The following PICALM variants were observed in gnomAD, a reference collection of about 807,000 sequenced individuals.
PICALM encodes the protein phosphatidylinositol-binding clathrin assembly protein.
Under a neutral mutation model 80.5 loss-of-function variants are expected in PICALM, and 40 were observed. The observed-to-expected ratio is 0.50, with a 90% confidence interval of 0.39 to 0.65. The LOEUF (loss-of-function observed/expected upper bound fraction) is 0.65. Among genes scored for constraint, PICALM ranks in the 30% least tolerant of loss-of-function variants. The pLI, the probability that PICALM is intolerant of heterozygous loss-of-function variation, is 0.00. For missense variants in PICALM, 676 were observed against 778.9 expected, an observed-to-expected ratio of 0.87 and a Z score of 1.57; for synonymous variants, 288 against 260.3, an observed-to-expected ratio of 1.11 and a Z score of -1.02.
Position 85,990,008 on chromosome 11 carries a change from CAAAAAAAAA to C in PICALM, c.1408+233_1408+241del, listed in dbSNP as rs5793177. Reference sequence around the variant, plus strand: ...TATAACACGACAGAGAACCAAACACCAAAAAAAAAAAAAAAAAAAAAGTTCAACATCAAG... The same window carrying C: ...TATAACACGACAGAGAACCAAACACCAAAAAAAAAAAAGTTCAACATCAAG... On this transcript the variant is annotated intron_variant, in intron 13 of 19. Transcript: ENST00000393346. Among the ~76,000 whole-genome samples the C allele has an allele frequency of 1.9e-4, 17 of 89,332 alleles. No homozygotes were observed. The South Asian group carries it at 2.2e-3, about 11-fold the overall frequency. 58.6% of individuals were successfully genotyped at this position (89,332 alleles called of 152,430 possible). A position where few individuals can be genotyped will look rare whatever the true frequency, so the allele number is the denominator to read the frequency against.
chr11:86,036,945 C>CA (rs57778395), intron 1 of PICALM, among the ~76,000 whole-genome samples: 11 of 125,924 alleles, frequency 8.7e-5, no homozygotes, highest in Admixed American at 5.7e-4. Context: ...CAACAACAAC[C>CA]AAAAAAAAAA....
chr11:85,996,778 G>C, intron 12 of PICALM, 48 bp downstream of exon 12: 1 of 1,034,646 alleles, frequency 9.7e-7, no homozygotes, highest in Non-Finnish European at 1.5e-6. Context: ...CACAGAATGA[G>C]GAGGAGAGAT....
intron 3 of PICALM, among the ~76,000 whole-genome samples, chr11:86,024,294 T>C (rs2095614296): frequency 6.6e-6 from 1 of 151,958 alleles, no homozygotes. Flanking sequence ...ACATATAGAT[T>C]ACTGGTCTTC....
At chr11:85,976,028 C>T (rs75104587) in intron 18 of PICALM, among the ~76,000 whole-genome samples, 4 of 152,280 alleles carry the variant, frequency 2.6e-5, no homozygotes, top group East Asian at 3.9e-4. Flanking sequence ...CCAAGGGACA[C>T]GGTACTGCCT....
intron 4 of PICALM, among the ~76,000 whole-genome samples, chr11:86,021,758 C>T (rs1297297885): frequency 1.3e-5 from 2 of 152,110 alleles, no homozygotes; most frequent in Non-Finnish European, 2.9e-5. Flanking sequence ...TCCTAATAGG[C>T]AAAAGTAGAA....
chr11:85,992,609 T>C (rs2094819399), intron 12 of PICALM, among the ~76,000 whole-genome samples: 1 of 152,150 alleles, frequency 6.6e-6, no homozygotes, highest in Non-Finnish European at 1.5e-5. Flanking sequence ...TTTAAATACA[T>C]GATATTAACA....
chr11:85,972,670 A>T (rs996225353), intron 19 of PICALM, among the ~76,000 whole-genome samples: 1 of 152,246 alleles, frequency 6.6e-6, no homozygotes, highest in Non-Finnish European at 1.5e-5. Context: ...AAGGTCCCTA[A>T]TAAGTTTTTA....
At chr11:86,016,717 T>C (rs919798107) in intron 4 of PICALM, among the ~76,000 whole-genome samples, 1 of 152,172 alleles carries the variant, frequency 6.6e-6, no homozygotes, top group African/African-American at 2.4e-5. Context: ...CAACCTCAAA[T>C]GAATACTCAA....
At chr11:86,044,637 G>T (rs2096037003) in intron 1 of PICALM, among the ~76,000 whole-genome samples, 1 of 152,156 alleles carries the variant, frequency 6.6e-6, no homozygotes, top group African/African-American at 2.4e-5. Flanking sequence ...GTAAGCCAGG[G>T]GTTCCCAACC....
In PICALM at chr11:86,068,915, G is replaced by A; in HGVS notation, c.-135C>T. 1.8e-5 allele frequency: 23 copies of A among 1,253,198 alleles called. No individual in the cohort carries two copies. Among genetic ancestry groups the A allele is most frequent in the Non-Finnish European group, 2.4e-5 (22 of 935,148 alleles). 77.6% of individuals were successfully genotyped at this position (1,253,198 alleles called of 1,614,324 possible). A position where few individuals can be genotyped will look rare whatever the true frequency, so the allele number is the denominator to read the frequency against. Reference sequence around the variant, plus strand: ...TTCCCCGCCTGCCGGCCTGGGGCGCGGTTCGGGGCCGCGCGCTGCCACCAG... The same window carrying A: ...TTCCCCGCCTGCCGGCCTGGGGCGCAGTTCGGGGCCGCGCGCTGCCACCAG... On this transcript the variant is annotated 5_prime_UTR_variant, in exon 1 of 20. Coordinates refer to ENST00000393346, the MANE Select transcript of PICALM (RefSeq NM_007166.4).
At chr11:86,053,323 A>G (rs1465815009) in intron 1 of PICALM, among the ~76,000 whole-genome samples, 1 of 152,222 alleles carries the variant, frequency 6.6e-6, no homozygotes, top group African/African-American at 2.4e-5. Context: ...AAATAAGGCA[A>G]ACGTGGACAC....
At chr11:86,055,450 A>C (rs1361589328) in intron 1 of PICALM, among the ~76,000 whole-genome samples, 3 of 152,146 alleles carry the variant, frequency 2.0e-5, no homozygotes, top group Non-Finnish European at 4.4e-5. Context: ...CTATTCTGAA[A>C]ATGTAAAAAA....
intron 12 of PICALM, among the ~76,000 whole-genome samples, chr11:85,993,023 T>C (rs12795381): frequency 0.099 from 15,059 of 151,738 alleles, 909 homozygotes; most frequent in Admixed American, 0.15. Context: ...CATTAAGGTA[T>C]AATAATAACG....
chr11:86,029,417 G>T (rs1434208157), intron 2 of PICALM, among the ~76,000 whole-genome samples: 1 of 152,166 alleles, frequency 6.6e-6, no homozygotes, highest in Non-Finnish European at 1.5e-5. Flanking sequence ...GTACAAACCA[G>T]CATAAAAAAT....
chr11:85,965,019 C>T (rs1429716442), intron 19 of PICALM, among the ~76,000 whole-genome samples: 1 of 152,136 alleles, frequency 6.6e-6, no homozygotes, highest in Non-Finnish European at 1.5e-5. Context: ...TATAAATACA[C>T]ATACAGTCAT....
intron 6 of PICALM, 59 bp from the exon 7 acceptor site, chr11:86,011,195 G>GAAA (rs57263198): frequency 4.4e-6 from 3 of 681,870 alleles, no homozygotes; most frequent in African/African-American, 1.9e-5. Context: ...CCCAAAAAAG[G>GAAA]AAAAAAAAAG....
intron 1 of PICALM, among the ~76,000 whole-genome samples, chr11:86,054,452 C>G (rs116750725): frequency 1.6e-3 from 243 of 152,278 alleles, no homozygotes; most frequent in African/African-American, 5.5e-3. Context: ...AGCTCCCTCT[C>G]CAGCCTCATC....
At chr11:86,068,596 C>A in intron 1 of PICALM, 55 bp downstream of exon 1, 1 of 1,547,794 alleles carries the variant, frequency 6.5e-7, no homozygotes, top group South Asian at 1.2e-5. Flanking sequence ...GAGAGAAGGA[C>A]GCGCGCGGGT....
chr11:86,039,530 A>G (rs1157121089), intron 1 of PICALM, among the ~76,000 whole-genome samples: 1 of 152,214 alleles, frequency 6.6e-6, no homozygotes, highest in Non-Finnish European at 1.5e-5. Context: ...AAACTATTCA[A>G]TAGAAAAACT....
Sources: gnomAD v4.1 joint callset for allele counts (sites outside exome capture counted in the v4.1 genomes callset) on GRCh38, gnomAD v4.1.1 for gene constraint, MANE v1.5 for transcripts, NCBI Gene and HGNC (gene_info 2026-07-23, HGNC 2026-07-21) for gene names.